ZNF638: variants seen among roughly 807,000 people sequenced by gnomAD.
The protein encoded by ZNF638 is zinc finger protein 638.
Under a neutral mutation model 195.6 loss-of-function variants are expected in ZNF638, and 46 were observed. The ratio of observed to expected loss-of-function variants is 0.24; its 90% CI spans 0.19 to 0.30. The LOEUF (loss-of-function observed/expected upper bound fraction) is 0.30, where lower values mean the gene tolerates loss of function less well. ZNF638 is among the 10% of genes least tolerant of loss of function. The probability of loss-of-function intolerance (pLI) is 1.00; values close to 1 mark genes in which losing one functional copy is unlikely to be tolerated. For synonymous variants in ZNF638, 845 were observed against 772.0 expected (o/e 1.09, Z -1.57); for missense variants, 2,440 against 2,325.3 (o/e 1.05, Z -1.01).
At chr2:71,335,050 ATGTTTTTTTGCTT>A (rs1294461705) in intron 1 of ZNF638, among the ~76,000 whole-genome samples, 5 of 152,170 alleles carry the variant, frequency 3.3e-5, no homozygotes, top group African/African-American at 1.2e-4. Flanking sequence ...AACGTACATT[ATGTTTTTTTGCTT>A]TGTTTTTGAG....
intron 1 of ZNF638, among the ~76,000 whole-genome samples, chr2:71,342,907 T>A (rs777776956): frequency 3.3e-5 from 5 of 152,240 alleles, no homozygotes; most frequent in Non-Finnish European, 5.9e-5. Context: ...TATGCCTTTG[T>A]CAGAAATATG....
intron 8 of ZNF638, among the ~76,000 whole-genome samples, chr2:71,377,080 C>G (rs2104336308): frequency 6.6e-6 from 1 of 152,102 alleles, no homozygotes; most frequent in East Asian, 1.9e-4. Flanking sequence ...TGAGACTAGC[C>G]CAGGCAATAT....
At chr2:71,418,962 G>T (rs2080363639) in intron 21 of ZNF638, among the ~76,000 whole-genome samples, 1 of 152,116 alleles carries the variant, frequency 6.6e-6, no homozygotes, top group South Asian at 2.1e-4. Flanking sequence ...TAATTACATT[G>T]TTTTTGTTAG....
chr2:71,369,332 A>AG (rs988274216), intron 7 of ZNF638, among the ~76,000 whole-genome samples: 1 of 151,900 alleles, frequency 6.6e-6, no homozygotes, highest in African/African-American at 2.4e-5. Context: ...CAAAAAAAAA[A>AG]AAAAAAAAAA....
chr2:71,420,280 A>C (rs1368588622), intron 21 of ZNF638, among the ~76,000 whole-genome samples: 1 of 151,950 alleles, frequency 6.6e-6, no homozygotes, highest in African/African-American at 2.4e-5. Flanking sequence ...GTTTATAACT[A>C]AACTATTTAA....
intron 21 of ZNF638, among the ~76,000 whole-genome samples, chr2:71,421,624 A>G (rs1221454103): frequency 6.6e-6 from 1 of 152,168 alleles, no homozygotes; most frequent in African/African-American, 2.4e-5. Context: ...TGAAGGGTAC[A>G]TGGCCACCCT....
intron 16 of ZNF638, among the ~76,000 whole-genome samples, chr2:71,402,291 T>C (rs1456913534): frequency 6.6e-6 from 1 of 152,180 alleles, no homozygotes; most frequent in Non-Finnish European, 1.5e-5. Flanking sequence ...TGGGGACAAA[T>C]GGCTTTCTAA....
intron 8 of ZNF638, among the ~76,000 whole-genome samples, chr2:71,370,814 TA>T (rs1245405249): frequency 6.6e-6 from 1 of 152,242 alleles, no homozygotes; most frequent in East Asian, 1.9e-4. Flanking sequence ...CTCCAACATT[TA>T]TTCTTTGTGT....
chr2:71,400,130 C>T lies in ZNF638; in HGVS notation c.2606C>T (p.Thr869Ile). 1 of 1,606,976 alleles carries T rather than the reference C, an allele frequency of 6.2e-7. No homozygotes were observed. Among genetic ancestry groups the T allele is most frequent in the Non-Finnish European group, 8.5e-7 (1 of 1,177,212 alleles). The change falls in exon 14 of 28, where the codon ACC becomes ATC. Residue 869 changes from threonine (T) to isoleucine (I), a missense_variant. Thr to Ile is a moderately conservative substitution (Grantham distance 89). Coordinates refer to ENST00000264447, the MANE Select transcript of ZNF638 (RefSeq NM_014497.5). The part of the protein sequence containing the change: ...VTIPENSEIK[T>I]SIEVKATENC... ...CATGCAGAAAACTCTGAAATAAAGA[C>T]CAGTATTGAAGTCAAAGCCACTGAA...
At chr2:71,402,821 T>TA (rs2080033792) in intron 16 of ZNF638, among the ~76,000 whole-genome samples, 1 of 152,152 alleles carries the variant, frequency 6.6e-6, no homozygotes, top group African/African-American at 2.4e-5. Context: ...GAAGTGTTCT[T>TA]ACGTTAGAGA....
Position 71,395,596 on chromosome 2 carries a change from A to G in ZNF638, c.2378-545A>G, listed in dbSNP as rs1410412379. 2.4e-5 allele frequency: 14 copies of G among 573,210 alleles called. No individual in the cohort carries two copies. In the Admixed American group the frequency reaches 2.9e-4, roughly 12 times the overall value. 35.5% of individuals were successfully genotyped at this position (573,210 alleles called of 1,614,324 possible). On this transcript the variant is annotated intron_variant, in intron 10 of 27. Transcript: ENST00000264447. ...CCTATTGCGCGCAGGACTGCTCCCA[A>G]GGCGGTGGGGGTGACAATTACCTAC...
rs1244956452 is a variant in ZNF638 at position 71,368,502 on chromosome 2, G to A, written c.2116G>A (p.Val706Ile). The change falls in exon 7 of 28, where the codon GTC (valine) becomes ATC (isoleucine). Residue 706 changes from valine to isoleucine, a missense_variant. Transcript: ENST00000264447. ...TCAACCATTTGGGAAAGTGAATGAT[G>A]TCCTAATTGTTCCATATAGAAAAGA... Reference protein sequence around the residue: ...LFQPFGKVNDVLIVPYRKEAY... With the variant: ...LFQPFGKVNDILIVPYRKEAY... 1 of 1,612,834 alleles carries A rather than the reference G, an allele frequency of 6.2e-7. No homozygotes were observed. The highest frequency in any genetic ancestry group is 8.5e-7 in the Non-Finnish European group (1 of 1,179,620).
intron 20 of ZNF638, among the ~76,000 whole-genome samples, chr2:71,409,901 A>G (rs1464468419): frequency 1.3e-5 from 2 of 152,082 alleles, no homozygotes; most frequent in African/African-American, 2.4e-5. Context: ...TCTGTTTGCT[A>G]GAGTACATTC....
At chr2:71,370,143 T>C in intron 8 of ZNF638, 138 bp downstream of exon 8, 1 of 961,556 alleles carries the variant, frequency 1.0e-6, no homozygotes, top group Non-Finnish European at 1.5e-6. Flanking sequence ...TTAATTCAAG[T>C]ATGTTGAAAT....
Position 71,400,109 on chromosome 2 carries a change from C to T in ZNF638, c.2588-3C>T. 6.3e-7 allele frequency: 1 copy of T among 1,599,950 alleles called. No homozygotes were observed. The highest frequency in any genetic ancestry group is 8.5e-7 in the Non-Finnish European group (1 of 1,174,324). ...GACTATTAAAGCAGACTATTTCATG[C>T]AGAAAACTCTGAAATAAAGACCAGT... is the stretch of plus-strand genomic sequence containing the variant. On this transcript the variant is annotated splice_polypyrimidine_tract_variant and splice_region_variant and intron_variant, in intron 13 of 27. Transcript: ENST00000264447.
chr2:71,380,581 T>A lies in ZNF638; in HGVS notation c.2377+16T>A. On this transcript the variant is annotated intron_variant, in intron 10 of 27. Transcript: ENST00000264447. ...ACTTCTGCTGGTAAGTTGTTACTTT[T>A]AATATTCTTTCAAATGAGTGTATCT... The A allele has an allele frequency of 6.3e-7, 1 of 1,591,948 alleles. No homozygotes were observed. Among genetic ancestry groups the A allele is most frequent in the Non-Finnish European group, 8.6e-7 (1 of 1,166,586 alleles).
At chr2:71,424,309 GTC>G (rs2080490907) in intron 22 of ZNF638, among the ~76,000 whole-genome samples, 3 of 148,330 alleles carry the variant, frequency 2.0e-5, no homozygotes, top group South Asian at 4.3e-4. Context: ...AAAAAAAAAA[GTC>G]TGCAGTGAAT....
intron 27 of ZNF638, 149 bp from the exon 28 acceptor site, chr2:71,434,593 G>A: frequency 1.6e-6 from 1 of 639,358 alleles, no homozygotes; most frequent in Middle Eastern, 4.3e-4. Flanking sequence ...ACTGATGAAT[G>A]AAAGGAAGAA....
intron 10 of ZNF638, chr2:71,393,670 CT>C: frequency 1.4e-6 from 1 of 714,690 alleles, no homozygotes; most frequent in Non-Finnish European, 2.6e-6. Context: ...ACGTAGGATC[CT>C]TTTTATGCTC....
Sources: allele counts gnomAD v4.1 joint callset (sites outside exome capture counted in the v4.1 genomes callset), GRCh38; gene constraint gnomAD v4.1.1; transcripts MANE v1.5; gene names NCBI Gene and HGNC (gene_info 2026-07-23, HGNC 2026-07-21).